PCDHA4: variants seen among roughly 807,000 people sequenced by gnomAD.
PCDHA4 encodes the protein protocadherin alpha 4.
PCDHA4 carries 49 observed loss-of-function variants against 61.4 expected under a neutral mutation model. The observed-to-expected ratio is 0.80, with a 90% CI of 0.63 to 1.01. The LOEUF is 1.01. Ranked by LOEUF, PCDHA4 falls within the 50% of genes least tolerant of loss-of-function variation. PCDHA4 has a pLI of 0.00. For missense variants in PCDHA4, 1,254 were observed against 1,235.8 expected, an observed-to-expected ratio of 1.01 and a Z score of -0.22; for synonymous variants, 590 against 550.3, an observed-to-expected ratio of 1.07 and a Z score of -1.01.
chr5:140,938,843 C>T (rs1232774282), intron 1 of PCDHA4, among the ~76,000 whole-genome samples: 3 of 152,012 alleles, frequency 2.0e-5, no homozygotes, highest in Admixed American at 6.6e-5. Flanking sequence ...AACAAACCTG[C>T]CCATGTACCC....
intron 1 of PCDHA4, among the ~76,000 whole-genome samples, chr5:140,925,821 T>C (rs1381036851): frequency 1.3e-5 from 2 of 152,136 alleles, no homozygotes; most frequent in African/African-American, 4.8e-5. Context: ...CACGTCTTCT[T>C]TGGGGACGGG....
chr5:140,836,243 C>T (rs1774314325), intron 1 of PCDHA4: 1 of 1,613,760 alleles, frequency 6.2e-7, no homozygotes, highest in African/African-American at 1.3e-5. Context: ...GTGCGAGCAT[C>T]CCGTTCCGCG....
At chr5:140,821,663 A>G (rs1483441672) in intron 1 of PCDHA4, 31 of 1,228,850 alleles carry the variant, frequency 2.5e-5, no homozygotes, top group Non-Finnish European at 1.6e-5. Flanking sequence ...TGGCTGTGCC[A>G]AGAAGCTCAG....
chr5:140,836,927 T>A, intron 1 of PCDHA4: 1 of 510,864 alleles, frequency 2.0e-6, no homozygotes, highest in Non-Finnish European at 3.3e-6. Context: ...TTGGGATGCG[T>A]AATACTATAG....
chr5:140,826,566 G>A (rs1423403318), intron 1 of PCDHA4, among the ~76,000 whole-genome samples: 2 of 152,130 alleles, frequency 1.3e-5, no homozygotes, highest in Non-Finnish European at 2.9e-5. Context: ...TGAAGGAGGG[G>A]TTTAATCACT....
At chr5:140,978,856 A>G (rs2096826512) in intron 1 of PCDHA4, 93 bp from the exon 2 acceptor site, 1 of 1,589,052 alleles carries the variant, frequency 6.3e-7, no homozygotes, top group Non-Finnish European at 8.6e-7. Flanking sequence ...AGATGCCTGG[A>G]AATATTTAAG....
At chr5:140,870,494 A>G (rs782779572) in intron 1 of PCDHA4, 1 of 1,614,236 alleles carries the variant, frequency 6.2e-7, no homozygotes, top group South Asian at 1.1e-5. Flanking sequence ...GTGTTCGTGA[A>G]GGAGAACAAC....
At position 140,857,333 on chromosome 5, in the gene PCDHA4, G is replaced by C. The variant is rs200210897; in HGVS notation, c.2385+47761G>C. On this transcript the variant is annotated intron_variant, in intron 1 of 3. Coordinates refer to ENST00000530339, the MANE Select transcript of PCDHA4 (RefSeq NM_018907.4). Reference sequence around the variant, plus strand: ...TGAGCTGGTGGTGACCGCGCGGGACGGGGGCTCGCCTCCGCTGTGGGCCAC... The same window carrying C: ...TGAGCTGGTGGTGACCGCGCGGGACCGGGGCTCGCCTCCGCTGTGGGCCAC... 1.4e-4 allele frequency: 230 copies of C among 1,598,472 alleles called. 32 individuals are homozygous for C. The highest frequency in any genetic ancestry group is 1.8e-4 in the Non-Finnish European group (207 of 1,167,970).
chr5:140,905,327 T>G (rs1446614190), intron 1 of PCDHA4, among the ~76,000 whole-genome samples: 1 of 152,202 alleles, frequency 6.6e-6, no homozygotes, highest in Non-Finnish European at 1.5e-5. Flanking sequence ...TATGCTTTGT[T>G]GAAGATCAGT....
At chr5:140,823,803 G>A in intron 1 of PCDHA4, 4 of 1,613,842 alleles carry the variant, frequency 2.5e-6, no homozygotes, top group South Asian at 1.1e-5. Flanking sequence ...AGGCGCCGAA[G>A]GCCTCATCGC....
chr5:140,967,012 G>C (rs1554229065), intron 1 of PCDHA4: 1 of 1,606,656 alleles, frequency 6.2e-7, no homozygotes, highest in African/African-American at 1.3e-5. Flanking sequence ...TCAACCATCT[G>C]GGTGCGCCCA....
intron 1 of PCDHA4, chr5:140,882,876 A>G (rs1554175925): frequency 6.2e-7 from 1 of 1,614,238 alleles, no homozygotes. Flanking sequence ...CTGGACAGAG[A>G]GGAAATTCAG....
intron 1 of PCDHA4, chr5:140,841,774 GTT>G (rs2150322506): frequency 6.2e-7 from 1 of 1,613,914 alleles, no homozygotes; most frequent in South Asian, 1.1e-5. Flanking sequence ...CAGACTCTCG[GTT>G]TCCGCTAGAG....
rs1299003245 is a variant in PCDHA4, at chr5:140,846,734, T to A, written c.2385+37162T>A. Among the ~76,000 whole-genome samples, 2 of 149,288 alleles carry A rather than the reference T, an allele frequency of 1.3e-5. 1 individual carries two copies. The highest frequency in any genetic ancestry group is 3.0e-5 in the Non-Finnish European group (2 of 66,808). On this transcript the variant is annotated intron_variant, in intron 1 of 3. Transcript: ENST00000530339. ...TAACCAGTCTTCATTAAACATTAAA[T>A]AGGACCCTTACAGATCTCTAACAGC...
At chr5:140,969,982 G>T (rs1327490843) in intron 1 of PCDHA4, among the ~76,000 whole-genome samples, 1 of 152,184 alleles carries the variant, frequency 6.6e-6, no homozygotes, top group Non-Finnish European at 1.5e-5. Flanking sequence ...CAACTCTTCT[G>T]TAGAGGGCTG....
chr5:140,873,589 A>C (rs1562682260), intron 1 of PCDHA4, among the ~76,000 whole-genome samples: 1 of 152,272 alleles, frequency 6.6e-6, no homozygotes, highest in Non-Finnish European at 1.5e-5. Context: ...TATTAAGCTA[A>C]ACTTAGATGT....
At chr5:140,833,148 T>A (rs145941830) in intron 1 of PCDHA4, among the ~76,000 whole-genome samples, 2 of 152,132 alleles carry the variant, frequency 1.3e-5, no homozygotes, top group Admixed American at 1.3e-4. Context: ...TGTGAAGCAA[T>A]ACGAATAAAA....
At chr5:140,832,869 C>T (rs1354245484) in intron 1 of PCDHA4, among the ~76,000 whole-genome samples, 1 of 152,030 alleles carries the variant, frequency 6.6e-6, no homozygotes, top group Non-Finnish European at 1.5e-5. Flanking sequence ...TGATGTTTTA[C>T]TGGTTATAAA....
rs73263815 is a variant in PCDHA4, at chr5:140,853,554, A to T, written c.2385+43982A>T. ...TCTTTTCAAGTTGTAATTACTATAT[A>T]GGAAAAACTAAGTTGTCACCCAATA... On this transcript the variant is annotated intron_variant, in intron 1 of 3. Transcript: ENST00000530339. 9,092 of 979,494 alleles carry T rather than the reference A, an allele frequency of 9.3e-3. 1,045 individuals carry two copies. In the African/African-American group the frequency reaches 0.15, roughly 16 times the overall value. The allele number at this position is 979,494 out of a possible 1,614,324, so 60.7% of individuals were successfully genotyped here.
Sources: gnomAD v4.1 joint callset for allele counts (sites outside exome capture counted in the v4.1 genomes callset) on GRCh38, gnomAD v4.1.1 for gene constraint, MANE v1.5 for transcripts, NCBI Gene and HGNC (gene_info 2026-07-23, HGNC 2026-07-21) for gene names.